The following SLC24A3 variants were observed in gnomAD, a reference collection of about 807,000 sequenced individuals.
SLC24A3 encodes the protein sodium/potassium/calcium exchanger 3.
SLC24A3 carries 28 observed loss-of-function variants against 75.8 expected under a neutral mutation model. That is an observed-to-expected ratio of 0.37 (90% confidence interval 0.27 to 0.51). SLC24A3 has a LOEUF of 0.51. Ranked by LOEUF, SLC24A3 falls within the 20% of genes least tolerant of loss-of-function variation. The probability of loss-of-function intolerance (pLI) is 0.94; values close to 1 mark genes in which losing one functional copy is unlikely to be tolerated. For missense variants in SLC24A3, 663 were observed against 847.8 expected, an observed-to-expected ratio of 0.78 and a Z score of 2.71; for synonymous variants, 372 against 334.1, an observed-to-expected ratio of 1.11 and a Z score of -1.24.
intron 3 of SLC24A3, among the ~76,000 whole-genome samples, chr20:19,528,510 A>G (rs1302538001): frequency 2.0e-5 from 3 of 152,194 alleles, no homozygotes; most frequent in Non-Finnish European, 4.4e-5. Flanking sequence ...CCAAGCACAT[A>G]GGAAAATCAG....
At chr20:19,361,843 T>C (rs1311148618) in intron 2 of SLC24A3, among the ~76,000 whole-genome samples, 1 of 152,226 alleles carries the variant, frequency 6.6e-6, no homozygotes, top group East Asian at 1.9e-4. Flanking sequence ...TTTTTTCAAC[T>C]TTTATACATA....
At chr20:19,596,680 C>A (rs1438105253) in intron 6 of SLC24A3, among the ~76,000 whole-genome samples, 1 of 152,228 alleles carries the variant, frequency 6.6e-6, no homozygotes, top group African/African-American at 2.4e-5. Context: ...CTGATTGGCT[C>A]CTTCTAGGAC....
chr20:19,397,151 A>C (rs1986468156), intron 2 of SLC24A3, among the ~76,000 whole-genome samples: 1 of 152,222 alleles, frequency 6.6e-6, no homozygotes. Context: ...TCTCAATGTA[A>C]ACATATCATA....
At chr20:19,452,056 C>A (rs1239103920) in intron 2 of SLC24A3, among the ~76,000 whole-genome samples, 1 of 152,264 alleles carries the variant, frequency 6.6e-6, no homozygotes, top group Admixed American at 6.5e-5. Context: ...CATTACAGCG[C>A]GAGAACATAA....
At chr20:19,621,448 T>G (rs2031803674) in intron 6 of SLC24A3, among the ~76,000 whole-genome samples, 2 of 152,248 alleles carry the variant, frequency 1.3e-5, no homozygotes, top group African/African-American at 4.8e-5. Context: ...TACTTAATAC[T>G]GTTCCCCTAG....
intron 6 of SLC24A3, among the ~76,000 whole-genome samples, chr20:19,592,770 T>C (rs552462112): frequency 6.6e-6 from 1 of 151,308 alleles, no homozygotes; most frequent in South Asian, 2.1e-4. Context: ...TGCCTACATC[T>C]TCGGCAAAAA....
chr20:19,682,525 C>G (rs1473234679), intron 10 of SLC24A3, among the ~76,000 whole-genome samples: 1 of 152,128 alleles, frequency 6.6e-6, no homozygotes, highest in Non-Finnish European at 1.5e-5. Flanking sequence ...CACATTTGCT[C>G]GAGTGCTGCA....
In SLC24A3 at chr20:19,294,337, A is replaced by G. The variant is rs534580473; in HGVS notation, c.271+13250A>G. 3.3e-5 allele frequency among the ~76,000 whole-genome samples: 5 copies of G among 152,298 alleles called. No individual in the cohort carries two copies. In the East Asian group the frequency reaches 9.6e-4, roughly 29 times the overall value. On this transcript the variant is annotated intron_variant, in intron 2 of 16. Transcript: ENST00000328041. ...AAGTTCTGGGATACAGGTGCAGGAT[A>G]TGCAGGTTTGTGCTTTGGTGATTTG...
intron 15 of SLC24A3, among the ~76,000 whole-genome samples, chr20:19,717,235 G>T (rs963702524): frequency 6.6e-6 from 1 of 152,254 alleles, no homozygotes; most frequent in African/African-American, 2.4e-5. Context: ...CACAGTCCCA[G>T]ATAGAGGGTT....
At chr20:19,708,910 C>G (rs2032958917) in intron 15 of SLC24A3, among the ~76,000 whole-genome samples, 1 of 152,164 alleles carries the variant, frequency 6.6e-6, no homozygotes, top group Non-Finnish European at 1.5e-5. Context: ...GAAGGGCTTA[C>G]CTGGAAAGCT....
intron 3 of SLC24A3, among the ~76,000 whole-genome samples, chr20:19,546,726 A>T (rs547776562): frequency 1.3e-5 from 2 of 152,198 alleles, no homozygotes; most frequent in Non-Finnish European, 2.9e-5. Flanking sequence ...CCATCTGCTC[A>T]TGGGAGTAAA....
At chr20:19,677,304 A>G (rs2122733128) in intron 9 of SLC24A3, among the ~76,000 whole-genome samples, 1 of 152,186 alleles carries the variant, frequency 6.6e-6, no homozygotes, top group African/African-American at 2.4e-5. Context: ...AAAAAAAAAA[A>G]AAAAAGCAAA....
intron 1 of SLC24A3, chr20:19,264,057 A>G: frequency 7.4e-6 from 1 of 134,872 alleles, no homozygotes; most frequent in South Asian, 2.6e-4. Flanking sequence ...TCCCATCTCT[A>G]AAAAAAAAAA....
Position 19,721,766 on chromosome 20 carries a change from C to CTGGG in SLC24A3, c.*626_*627insTGGG. 1.3e-5 allele frequency: 2 copies of CTGGG among 152,880 alleles called. No homozygotes were observed. The highest frequency in any genetic ancestry group is 4.8e-5 in the African/African-American group (2 of 41,432). 9.5% of individuals were successfully genotyped at this position (152,880 alleles called of 1,614,324 possible). On this transcript the variant is annotated 3_prime_UTR_variant, in exon 17 of 17. Transcript: ENST00000328041. ...CCTGCCGTGTTGTCTGGGCTTGCAT[C>CTGGG]CCAGATGTGTTGGAGTATGCATGGA...
At chr20:19,389,143 G>A (rs1337083649) in intron 2 of SLC24A3, among the ~76,000 whole-genome samples, 2 of 151,876 alleles carry the variant, frequency 1.3e-5, no homozygotes, top group African/African-American at 2.4e-5. Flanking sequence ...CAAACTTTGT[G>A]TTATTAATGT....
chr20:19,655,440 C>T lies in SLC24A3; in HGVS notation c.687+1304C>T, dbSNP rs78928359. ...TTGGGAAGAACATTGAAATAGGAGTCGGGAGATCTGACTCCTAGTTCTGCT... is the reference window on the plus strand; with the variant it reads ...TTGGGAAGAACATTGAAATAGGAGTTGGGAGATCTGACTCCTAGTTCTGCT... On this transcript the variant is annotated intron_variant, in intron 7 of 16. Coordinates refer to ENST00000328041, the MANE Select transcript of SLC24A3 (RefSeq NM_020689.4). Among the ~76,000 whole-genome samples the T allele has an allele frequency of 5.1e-3, 769 of 152,142 alleles. 8 individuals carry two copies. Among genetic ancestry groups the T allele is most frequent in the African/African-American group, 0.017 (722 of 41,514 alleles).
intron 3 of SLC24A3, among the ~76,000 whole-genome samples, chr20:19,570,011 G>A (rs1056057020): frequency 6.6e-6 from 1 of 152,178 alleles, no homozygotes; most frequent in Non-Finnish European, 1.5e-5. Context: ...TATTCTGGAT[G>A]TATTTATCTG....
At chr20:19,543,584 G>T (rs1160100012) in intron 3 of SLC24A3, among the ~76,000 whole-genome samples, 3 of 152,132 alleles carry the variant, frequency 2.0e-5, no homozygotes, top group Non-Finnish European at 2.9e-5. Flanking sequence ...CTGCATGAGA[G>T]GTCTCCCCAC....
intron 2 of SLC24A3, among the ~76,000 whole-genome samples, chr20:19,295,518 G>A (rs1984037544): frequency 6.6e-6 from 1 of 152,032 alleles, no homozygotes; most frequent in African/African-American, 2.4e-5. Context: ...ATTATTTTAA[G>A]GTATGTTCCA....
Sources: allele counts gnomAD v4.1 joint callset (sites outside exome capture counted in the v4.1 genomes callset), GRCh38; gene constraint gnomAD v4.1.1; transcripts MANE v1.5; gene names NCBI Gene and HGNC (gene_info 2026-07-23, HGNC 2026-07-21).